The following HPS3 variants were observed in gnomAD, a reference collection of about 807,000 sequenced individuals.
The protein encoded by HPS3 is BLOC-2 complex member HPS3.
HPS3 carries 79 observed loss-of-function variants against 110.9 expected under a neutral mutation model. That is an observed-to-expected ratio of 0.71 (90% CI 0.59 to 0.86). The LOEUF is 0.86. HPS3 is among the 40% of genes least tolerant of loss of function. The pLI, the probability that HPS3 is intolerant of heterozygous loss-of-function variation, is 0.00. For missense variants in HPS3, 1,197 were observed against 1,206.2 expected (o/e 0.99, Z 0.11); for synonymous variants, 428 against 451.0 (o/e 0.95, Z 0.65).
At chr3:149,145,266 C>A (rs1722721383) in intron 4 of HPS3, 88 bp from the exon 5 acceptor site, 5 of 999,234 alleles carry the variant, frequency 5.0e-6, no homozygotes, top group East Asian at 2.4e-5. Flanking sequence ...CCCACTGATA[C>A]AGTTTGCATA....
chr3:149,166,328 G>A (rs1383586041), intron 14 of HPS3, among the ~76,000 whole-genome samples: 1 of 152,088 alleles, frequency 6.6e-6, no homozygotes, highest in African/African-American at 2.4e-5. Context: ...TATGTATGTA[G>A]CACATGCTTA....
At chr3:149,136,176 A>G (rs1217091878) in intron 1 of HPS3, among the ~76,000 whole-genome samples, 1 of 146,046 alleles carries the variant, frequency 6.8e-6, no homozygotes, top group African/African-American at 2.6e-5. Context: ...GTATATATAT[A>G]CACACACACA....
intron 4 of HPS3, among the ~76,000 whole-genome samples, chr3:149,141,868 G>C (rs1480927420): frequency 2.0e-5 from 3 of 147,634 alleles, no homozygotes; most frequent in Non-Finnish European, 3.0e-5. Flanking sequence ...TTTTTTTCTT[G>C]AGACAGAGTT....
Position 149,162,203 on chromosome 3 carries a change from A to G in HPS3, c.2162A>G (p.Lys721Arg). ...LEPRLLIQQR[K>R]GQIVPTELAL... The stretch of plus-strand genomic sequence containing the variant: ...CCTCGGCTGTTGATTCAACAGAGAA[A>G]GGGACAGATTGTTCCAACCGAGCTT... The change falls in exon 12 of 17, where the codon AAG (lysine) becomes AGG (arginine). Residue 721 changes from lysine to arginine, a missense_variant. Physicochemically the swap from Lys to Arg is conservative, Grantham distance 26. Transcript: ENST00000296051. 6.2e-7 allele frequency: 1 copy of G among 1,614,020 alleles called. No individual in the cohort carries two copies. The highest frequency in any genetic ancestry group is 8.5e-7 in the Non-Finnish European group (1 of 1,179,930).
At chr3:149,143,657 T>C (rs1392001334) in intron 4 of HPS3, among the ~76,000 whole-genome samples, 2 of 152,206 alleles carry the variant, frequency 1.3e-5, no homozygotes, top group Non-Finnish European at 2.9e-5. Flanking sequence ...TGGAAAGATA[T>C]TACATAATGG....
At chr3:149,131,862 T>C (rs1226340888) in intron 1 of HPS3, among the ~76,000 whole-genome samples, 1 of 152,162 alleles carries the variant, frequency 6.6e-6, no homozygotes, top group East Asian at 1.9e-4. Context: ...GTTACTCCAG[T>C]GAACACAAAT....
At position 149,134,736 on chromosome 3, in the gene HPS3, C is replaced by T. The variant is rs377577128; in HGVS notation, c.217+4796C>T. Among the ~76,000 whole-genome samples, 38 of 152,232 alleles carry T rather than the reference C, an allele frequency of 2.5e-4. 1 individual carries two copies. Among genetic ancestry groups the T allele is most frequent in the African/African-American group, 8.9e-4 (37 of 41,532 alleles). ...ATGAGTAGCATTGTAACCTCATTAA[C>T]GAGGCCTTGAACAATAAAGATGTTT... On this transcript the variant is annotated intron_variant, in intron 1 of 16. Transcript: ENST00000296051.
At position 149,135,503 on chromosome 3, in the gene HPS3, C is replaced by T. The variant is rs376867836; in HGVS notation, c.218-4501C>T. Among the ~76,000 whole-genome samples the T allele has an allele frequency of 2.5e-4, 38 of 152,228 alleles. 1 individual carries two copies. Among genetic ancestry groups the T allele is most frequent in the African/African-American group, 8.7e-4 (36 of 41,534 alleles). Reference sequence around the variant, plus strand: ...TACCCACACTTATTTTCTGTCCTGCCGCCCTGTGAAGAGGTGCCTTCCACC... The same window carrying T: ...TACCCACACTTATTTTCTGTCCTGCTGCCCTGTGAAGAGGTGCCTTCCACC... On this transcript the variant is annotated intron_variant, in intron 1 of 16. Transcript: ENST00000296051.
At chr3:149,165,230 C>CCAAA (rs1353122304) in intron 14 of HPS3, among the ~76,000 whole-genome samples, 1 of 152,020 alleles carries the variant, frequency 6.6e-6, no homozygotes, top group African/African-American at 2.4e-5. Flanking sequence ...TGGAGCTTTG[C>CCAAA]CTTCCTAGAT....
rs1724005235 is a variant in HPS3 at position 149,162,757 on chromosome 3, T to C, written c.2360T>C (p.Val787Ala). Residue 787 changes from valine to alanine, a missense_variant, in exon 13 of 17, where the codon GTG becomes GCG. Physicochemically the swap from Val to Ala is moderately conservative, Grantham distance 64. Transcript: ENST00000296051. ...GTAGACTTTTGGGAAGCTCAGCTAG[T>C]GGCATGTCTCCCAGATGTGGTACTT... ...LLVDFWEAQL[V>A]ACLPDVVLQE... is the part of the protein sequence containing the mutation. 1.2e-6 allele frequency: 2 copies of C among 1,614,022 alleles called. No homozygotes were observed. Among genetic ancestry groups the C allele is most frequent in the Non-Finnish European group, 1.7e-6 (2 of 1,179,914 alleles).
chr3:149,145,257 C>T, intron 4 of HPS3, 97 bp from the exon 5 acceptor site: 1 of 904,684 alleles, frequency 1.1e-6, no homozygotes, highest in Admixed American at 1.9e-5. Flanking sequence ...CTTTGGTTAC[C>T]CACTGATACA....
intron 16 of HPS3, among the ~76,000 whole-genome samples, chr3:149,168,648 G>A (rs1460587512): frequency 2.0e-5 from 3 of 152,138 alleles, no homozygotes; most frequent in African/African-American, 7.2e-5. Flanking sequence ...GGCCGAGTCA[G>A]TGGCCACTGG....
intron 6 of HPS3, 149 bp downstream of exon 6, chr3:149,150,829 T>C (rs1023564976): frequency 3.4e-5 from 24 of 710,684 alleles, no homozygotes; most frequent in Non-Finnish European, 5.4e-5. Context: ...GGATGTAAAA[T>C]AGTGAGGATT....
chr3:149,160,488 A>G (rs1446637571), intron 11 of HPS3, among the ~76,000 whole-genome samples: 1 of 152,244 alleles, frequency 6.6e-6, no homozygotes, highest in Non-Finnish European at 1.5e-5. Flanking sequence ...GTGGATATAC[A>G]AAGACTTCAA....
chr3:149,143,512 C>T (rs1182197940), intron 4 of HPS3, among the ~76,000 whole-genome samples: 1 of 152,164 alleles, frequency 6.6e-6, no homozygotes, highest in African/African-American at 2.4e-5. Flanking sequence ...AAAGCAGTTA[C>T]GTTGTTTTGA....
chr3:149,155,331 T>G (rs1723382546), intron 8 of HPS3, 116 bp downstream of exon 8: 2 of 718,912 alleles, frequency 2.8e-6, no homozygotes, highest in South Asian at 3.0e-5. Flanking sequence ...GCTTCCTGGC[T>G]CTGTCTGACA....
At chr3:149,167,527 T>TAAA (rs1724545682) in intron 15 of HPS3, among the ~76,000 whole-genome samples, 1 of 152,222 alleles carries the variant, frequency 6.6e-6, no homozygotes, top group Admixed American at 6.5e-5. Flanking sequence ...AAATATTTTC[T>TAAA]CTGCCATACG....
intron 1 of HPS3, among the ~76,000 whole-genome samples, chr3:149,135,955 A>C (rs1224764326): frequency 1.3e-5 from 2 of 152,048 alleles, no homozygotes; most frequent in South Asian, 2.1e-4. Flanking sequence ...CTTGTGATTC[A>C]ATTTTGTCAT....
intron 6 of HPS3, among the ~76,000 whole-genome samples, chr3:149,152,345 C>T (rs1005032843): frequency 6.6e-6 from 1 of 151,890 alleles, no homozygotes; most frequent in Non-Finnish European, 1.5e-5. Context: ...ATCAATGTAC[C>T]TTTGGAAAAA....
Sources: allele counts gnomAD v4.1 joint callset (sites outside exome capture counted in the v4.1 genomes callset), GRCh38; gene constraint gnomAD v4.1.1; transcripts MANE v1.5; gene names NCBI Gene and HGNC (gene_info 2026-07-23, HGNC 2026-07-21).